The following SPATA17 variants were observed in gnomAD, a reference collection of about 807,000 sequenced individuals.
The protein encoded by SPATA17 is spermatogenesis-associated protein 17.
In SPATA17, 53 loss-of-function variants were observed where a neutral mutation model predicts 62.2. The observed-to-expected ratio is 0.85, with a 90% CI of 0.68 to 1.07. SPATA17 has a LOEUF of 1.07. Ranked by LOEUF, SPATA17 falls within the 50% of genes least tolerant of loss-of-function variation. The pLI is 0.00. For missense variants in SPATA17, 466 were observed against 425.5 expected (o/e 1.10, Z -0.84); for synonymous variants, 146 against 146.8 (o/e 0.99, Z 0.04).
intron 9 of SPATA17, among the ~76,000 whole-genome samples, chr1:217,860,777 T>G (rs1273561802): frequency 6.6e-6 from 1 of 152,120 alleles, no homozygotes; most frequent in Non-Finnish European, 1.5e-5. Flanking sequence ...TGGTTCTTCT[T>G]TTTTATCCAG....
intron 5 of SPATA17, among the ~76,000 whole-genome samples, chr1:217,727,812 T>C (rs34684572): frequency 0.39 from 59,955 of 151,994 alleles, 12,353 homozygotes; most frequent in Non-Finnish European, 0.46. Context: ...AGCATGAATC[T>C]CACCTACACC....
chr1:217,654,997 A>ATC (rs1670408809), intron 3 of SPATA17, among the ~76,000 whole-genome samples: 1 of 152,212 alleles, frequency 6.6e-6, no homozygotes, highest in Non-Finnish European at 1.5e-5. Flanking sequence ...GGCGTGAGCC[A>ATC]CCGCACCCAG....
intron 9 of SPATA17, among the ~76,000 whole-genome samples, chr1:217,845,881 A>G (rs1675513015): frequency 6.6e-6 from 1 of 152,040 alleles, no homozygotes; most frequent in Non-Finnish European, 1.5e-5. Context: ...AGTTGTTTAC[A>G]ATTTCCCCCC....
chr1:217,811,565 CACCT>C (rs1674588935), intron 9 of SPATA17, among the ~76,000 whole-genome samples: 1 of 151,832 alleles, frequency 6.6e-6, no homozygotes, highest in Non-Finnish European at 1.5e-5. Flanking sequence ...TGGTGGTGCA[CACCT>C]GTAATCCCAG....
chr1:217,814,804 C>T (rs1383926676), intron 9 of SPATA17, among the ~76,000 whole-genome samples: 4 of 152,078 alleles, frequency 2.6e-5, no homozygotes, highest in East Asian at 1.9e-4. Flanking sequence ...GCTATGATGG[C>T]ACCATTGCAC....
intron 9 of SPATA17, among the ~76,000 whole-genome samples, chr1:217,840,041 C>T (rs369637421): frequency 6.6e-6 from 1 of 152,110 alleles, no homozygotes; most frequent in African/African-American, 2.4e-5. Flanking sequence ...GCAGGCATGA[C>T]TGCAATCTCT....
chr1:217,801,928 A>G (rs1372250181), intron 9 of SPATA17, 78 bp downstream of exon 9: 10 of 1,372,562 alleles, frequency 7.3e-6, no homozygotes, highest in Non-Finnish European at 6.9e-6. Flanking sequence ...AAATATAAAT[A>G]TTCTTATTAC....
At chr1:217,739,545 T>A (rs1312460142) in intron 5 of SPATA17, 1 of 152,098 alleles carries the variant, frequency 6.6e-6, no homozygotes, top group Non-Finnish European at 1.5e-5. Flanking sequence ...TATCTAAATG[T>A]CTTGGAAGTA....
chr1:217,735,759 CTA>C (rs1435676897), intron 5 of SPATA17, among the ~76,000 whole-genome samples: 6 of 151,808 alleles, frequency 4.0e-5, no homozygotes, highest in Non-Finnish European at 7.4e-5. Context: ...AAAGAAGAGA[CTA>C]TAAAAATTAT....
At chr1:217,656,256 A>G (rs1233648526) in intron 3 of SPATA17, among the ~76,000 whole-genome samples, 1 of 152,204 alleles carries the variant, frequency 6.6e-6, no homozygotes, top group East Asian at 1.9e-4. Context: ...TCACCTTGGA[A>G]TGTGTATTTA....
intron 10 of SPATA17, among the ~76,000 whole-genome samples, chr1:217,863,119 CTTTTTTTTT>C (rs35673625): frequency 8.9e-6 from 1 of 111,860 alleles, no homozygotes; most frequent in Non-Finnish European, 1.8e-5. Flanking sequence ...AATACTCTTT[CTTTTTTTTT>C]TTTTTTTTTT....
chr1:217,724,384 T>C (rs1028147527), intron 5 of SPATA17, among the ~76,000 whole-genome samples: 1 of 152,086 alleles, frequency 6.6e-6, no homozygotes, highest in African/African-American at 2.4e-5. Context: ...GGTCAGGAGT[T>C]GGAGACCAGC....
chr1:217,733,333 G>A (rs1309306265), intron 5 of SPATA17, among the ~76,000 whole-genome samples: 1 of 152,160 alleles, frequency 6.6e-6, no homozygotes, highest in Non-Finnish European at 1.5e-5. Context: ...ACCGAAGAGA[G>A]CAAGAGTTTC....
At chr1:217,819,363 A>C (rs763935252) in intron 9 of SPATA17, among the ~76,000 whole-genome samples, 10 of 151,578 alleles carry the variant, frequency 6.6e-5, no homozygotes, top group Non-Finnish European at 1.5e-4. Context: ...TTCCTGCAGG[A>C]TCCTTTTTTT....
At chr1:217,728,874 A>G (rs772268669) in intron 5 of SPATA17, among the ~76,000 whole-genome samples, 5 of 152,190 alleles carry the variant, frequency 3.3e-5, no homozygotes, top group African/African-American at 4.8e-5. Flanking sequence ...AAGCTCTAAC[A>G]TATCATTGGC....
intron 6 of SPATA17, among the ~76,000 whole-genome samples, chr1:217,751,711 T>C (rs898285489): frequency 2.0e-5 from 3 of 152,226 alleles, no homozygotes; most frequent in African/African-American, 7.2e-5. Flanking sequence ...AATGAATTCC[T>C]TTTCTGCTCT....
intron 5 of SPATA17, among the ~76,000 whole-genome samples, chr1:217,714,488 CTT>C (rs750665329): frequency 8.2e-5 from 10 of 121,338 alleles, no homozygotes; most frequent in Non-Finnish European, 8.6e-5. Flanking sequence ...AAACGTGTTT[CTT>C]TTTTTTTTTT....
At chr1:217,715,849 GCTAA>G (rs1039027921) in intron 5 of SPATA17, among the ~76,000 whole-genome samples, 4 of 152,176 alleles carry the variant, frequency 2.6e-5, no homozygotes, top group Non-Finnish European at 4.4e-5. Flanking sequence ...AGAACTAACA[GCTAA>G]CTAACAGCTT....
chr1:217,782,380 A>AT (rs1315797725), intron 8 of SPATA17, 58 bp downstream of exon 8: 18 of 1,489,486 alleles, frequency 1.2e-5, no homozygotes, highest in African/African-American at 1.0e-4. Flanking sequence ...AAATTTTCTA[A>AT]TTTTTTTATT....
Sources: gnomAD v4.1 joint callset for allele counts (sites outside exome capture counted in the v4.1 genomes callset) on GRCh38, gnomAD v4.1.1 for gene constraint, MANE v1.5 for transcripts, NCBI Gene and HGNC (gene_info 2026-07-23, HGNC 2026-07-21) for gene names.